The following GPR158 variants were observed in gnomAD, a reference collection of about 807,000 sequenced individuals.
GPR158 encodes G protein-coupled receptor 158, also known as metabotropic glycine receptor.
A neutral mutation model predicts 78.2 loss-of-function variants in GPR158; 30 were observed. The observed-to-expected ratio is 0.38, with a 90% CI of 0.29 to 0.52. The LOEUF (loss-of-function observed/expected upper bound fraction) is 0.52, where lower values mean the gene tolerates loss of function less well. GPR158 is among the 20% of genes least tolerant of loss of function. The pLI is 0.83. For synonymous variants in GPR158, 581 were observed against 591.1 expected (o/e 0.98, Z 0.25); for missense variants, 1,463 against 1,523.5 (o/e 0.96, Z 0.66).
Position 25,562,397 on chromosome 10 carries a change from T to G in GPR158, c.1515-10252T>G, listed in dbSNP as rs1836871612. Among the ~76,000 whole-genome samples the G allele has an allele frequency of 2.0e-5, 3 of 152,222 alleles. No homozygotes were observed. The South Asian group carries it at 6.2e-4, about 31-fold the overall frequency. On this transcript the variant is annotated intron_variant, in intron 6 of 10. Coordinates refer to ENST00000376351, the MANE Select transcript of GPR158 (RefSeq NM_020752.3). The stretch of plus-strand genomic sequence containing the variant: ...TCCTTAAAGTAAAAGATAAGGTTAT[T>G]GACTTTTTTCATATAAACATTTGCA...
chr10:25,384,871 A>C (rs994460676), intron 2 of GPR158, among the ~76,000 whole-genome samples: 1 of 152,200 alleles, frequency 6.6e-6, no homozygotes, highest in East Asian at 1.9e-4. Flanking sequence ...TGAGATATAC[A>C]TCATGCCGAT....
At chr10:25,186,716 T>C (rs1193690324) in intron 1 of GPR158, among the ~76,000 whole-genome samples, 3 of 152,246 alleles carry the variant, frequency 2.0e-5, no homozygotes, top group Non-Finnish European at 4.4e-5. Context: ...GGCTCTGAAA[T>C]TGAGGCAATA....
chr10:25,443,487 A>G (rs971428729), intron 4 of GPR158, among the ~76,000 whole-genome samples: 5 of 151,270 alleles, frequency 3.3e-5, no homozygotes, highest in African/African-American at 7.3e-5. Flanking sequence ...CCTGGGAGGC[A>G]GAAGTTACAG....
Position 25,194,942 on chromosome 10 carries a change from G to A in GPR158, c.902+18620G>A, listed in dbSNP as rs1029386706. On this transcript the variant is annotated intron_variant, in intron 1 of 10. Transcript: ENST00000376351. ...TAATAACATTTGTATTCTGTTACTA[G>A]AGTAAAAGAATTCTCTGCTTTGTCC... 2.4e-4 allele frequency among the ~76,000 whole-genome samples: 37 copies of A among 151,778 alleles called. No individual in the cohort carries two copies. In the East Asian group the frequency reaches 4.7e-3, roughly 19 times the overall value.
rs904623651 is a variant in GPR158, at chr10:25,477,975, T to A, written c.1404+11256T>A. On this transcript the variant is annotated intron_variant, in intron 5 of 10. Coordinates refer to ENST00000376351, the MANE Select transcript of GPR158 (RefSeq NM_020752.3). ...TAGCCATAGATGCCCAGAAGTTCTG[T>A]GTAGTTCCATTTATCCACTTGGCTT... Among the ~76,000 whole-genome samples, 4 of 152,286 alleles carry A rather than the reference T, an allele frequency of 2.6e-5. No homozygotes were observed. The East Asian group carries it at 7.7e-4, about 29-fold the overall frequency.
At chr10:25,339,018 T>C (rs566361074) in intron 2 of GPR158, among the ~76,000 whole-genome samples, 2 of 150,198 alleles carry the variant, frequency 1.3e-5, no homozygotes, top group African/African-American at 4.8e-5. Flanking sequence ...CTTTCTTTCT[T>C]TCTTTTTTTT....
At chr10:25,356,437 T>C (rs1245657718) in intron 2 of GPR158, among the ~76,000 whole-genome samples, 2 of 152,068 alleles carry the variant, frequency 1.3e-5, no homozygotes, top group African/African-American at 2.4e-5. Flanking sequence ...AGTATTGATA[T>C]GGTTTTGCTC....
Position 25,234,554 on chromosome 10 carries a change from A to C in GPR158, c.1008+13397A>C, listed in dbSNP as rs190194579. Among the ~76,000 whole-genome samples the C allele has an allele frequency of 2.8e-3, 423 of 152,284 alleles. 3 individuals carry two copies. The highest frequency in any genetic ancestry group is 9.8e-3 in the African/African-American group (409 of 41,552). ...CTTGACCAAAATGCCAAAGGATGGA[A>C]TATTCTGTATTTTACTCTTCAAATT... On this transcript the variant is annotated intron_variant, in intron 2 of 10. Transcript: ENST00000376351.
intron 3 of GPR158, 59 bp downstream of exon 3, chr10:25,396,072 C>G: frequency 2.8e-6 from 2 of 717,790 alleles, no homozygotes; most frequent in Non-Finnish European, 4.7e-6. Context: ...ACTATTATTA[C>G]GAAGATTTTC....
intron 3 of GPR158, among the ~76,000 whole-genome samples, chr10:25,399,802 T>C (rs1169215516): frequency 3.9e-5 from 6 of 152,190 alleles, no homozygotes; most frequent in Non-Finnish European, 8.8e-5. Flanking sequence ...ATATATTGCA[T>C]GTTTCTGTGT....
chr10:25,236,847 T>C (rs1392658356), intron 2 of GPR158, among the ~76,000 whole-genome samples: 1 of 152,226 alleles, frequency 6.6e-6, no homozygotes, highest in African/African-American at 2.4e-5. Flanking sequence ...TTACAATAAC[T>C]ACATTTATTG....
intron 2 of GPR158, among the ~76,000 whole-genome samples, chr10:25,310,041 G>A (rs868008883): frequency 5.3e-5 from 8 of 152,078 alleles, no homozygotes; most frequent in East Asian, 1.9e-4. Flanking sequence ...TCACACTTAC[G>A]TTTAAGTCTT....
chr10:25,517,014 T>A, intron 5 of GPR158, among the ~76,000 whole-genome samples: 1 of 150,400 alleles, frequency 6.6e-6, no homozygotes, highest in Non-Finnish European at 1.5e-5. Flanking sequence ...CATGGAATGC[T>A]CTTCCATTTG....
At chr10:25,204,854 G>A (rs1161040553) in intron 1 of GPR158, among the ~76,000 whole-genome samples, 10 of 146,506 alleles carry the variant, frequency 6.8e-5, no homozygotes, top group Admixed American at 3.4e-4. Context: ...CGGTGGGGTC[G>A]GTGGTAATGT....
chr10:25,569,382 A>G (rs1836973426), intron 6 of GPR158, among the ~76,000 whole-genome samples: 4 of 152,384 alleles, frequency 2.6e-5, no homozygotes, highest in Admixed American at 1.3e-4. Context: ...GACAGTTAAC[A>G]AATCCACTAT....
At chr10:25,525,949 T>C (rs1404248821) in intron 5 of GPR158, among the ~76,000 whole-genome samples, 1 of 151,596 alleles carries the variant, frequency 6.6e-6, no homozygotes, top group African/African-American at 2.4e-5. Flanking sequence ...TCTACTAAAA[T>C]ACAAAAATTA....
chr10:25,194,757 T>C (rs1052642249), intron 1 of GPR158, among the ~76,000 whole-genome samples: 1 of 152,168 alleles, frequency 6.6e-6, no homozygotes, highest in Admixed American at 6.5e-5. Flanking sequence ...TTCGTTATAT[T>C]CCTTTCTTTC....
At chr10:25,494,521 A>T (rs939475026) in intron 5 of GPR158, among the ~76,000 whole-genome samples, 1 of 152,176 alleles carries the variant, frequency 6.6e-6, no homozygotes, top group African/African-American at 2.4e-5. Flanking sequence ...ACTGTAGATA[A>T]TATTATTCCT....
At position 25,319,822 on chromosome 10, in the gene GPR158, A is replaced by ACC. The variant is rs11379091; in HGVS notation, c.1009-76082_1009-76081dup. Among the ~76,000 whole-genome samples the ACC allele has an allele frequency of 6.9e-3, 925 of 133,884 alleles. 1 individual carries two copies. The highest frequency in any genetic ancestry group is 0.011 in the Middle Eastern group (3 of 274). 87.8% of individuals were successfully genotyped at this position (133,884 alleles called of 152,430 possible). A position where few individuals can be genotyped will look rare whatever the true frequency, so the allele number is the denominator to read the frequency against. ...GACAGGTGATATTGCTGAACACCCC[A>ACC]CCCCCCCCAAAAAAAAACCCTGACC... On this transcript the variant is annotated intron_variant, in intron 2 of 10. Coordinates refer to ENST00000376351, the MANE Select transcript of GPR158 (RefSeq NM_020752.3).
Sources: allele counts gnomAD v4.1 joint callset (sites outside exome capture counted in the v4.1 genomes callset), GRCh38; gene constraint gnomAD v4.1.1; transcripts MANE v1.5; gene names NCBI Gene and HGNC (gene_info 2026-07-23, HGNC 2026-07-21).